The following SLC25A26 variants were observed in gnomAD, a reference collection of about 807,000 sequenced individuals.
SLC25A26 encodes the protein mitochondrial S-adenosylmethionine carrier protein.
In SLC25A26, 36 loss-of-function variants were observed where a neutral mutation model predicts 37.8. The ratio of observed to expected loss-of-function variants is 0.95; its 90% CI spans 0.73 to 1.26. The LOEUF is 1.26. Among genes scored for constraint, SLC25A26 ranks in the 50% most tolerant of loss-of-function variants. The probability of loss-of-function intolerance (pLI) is 0.00; values close to 1 mark genes in which losing one functional copy is unlikely to be tolerated. For synonymous variants in SLC25A26, 129 were observed against 122.5 expected, an observed-to-expected ratio of 1.05 and a Z score of -0.35; for missense variants, 390 against 331.1, an observed-to-expected ratio of 1.18 and a Z score of -1.38.
At chr3:66,234,200 C>T (rs933167626) in intron 1 of SLC25A26, among the ~76,000 whole-genome samples, 2 of 152,192 alleles carry the variant, frequency 1.3e-5, no homozygotes, top group Non-Finnish European at 2.9e-5. Context: ...TCAAGCGATC[C>T]TCCTGCCTCA....
intron 2 of SLC25A26, among the ~76,000 whole-genome samples, chr3:66,238,177 A>G (rs2072388044): frequency 1.3e-5 from 2 of 152,180 alleles, no homozygotes; most frequent in Non-Finnish European, 2.9e-5. Context: ...TGAAGAGCTT[A>G]AACAAATACA....
intron 5 of SLC25A26, among the ~76,000 whole-genome samples, chr3:66,301,941 A>C (rs914090066): frequency 6.6e-6 from 1 of 152,174 alleles, no homozygotes; most frequent in Admixed American, 6.6e-5. Context: ...CAACCTCATA[A>C]GGTTGTTGGG....
chr3:66,179,668 A>G (rs2070658403), intron 1 of SLC25A26, among the ~76,000 whole-genome samples: 1 of 152,072 alleles, frequency 6.6e-6, no homozygotes, highest in South Asian at 2.1e-4. Flanking sequence ...CTATAGAACT[A>G]TAACATATAC....
At chr3:66,234,600 T>A (rs1286698165) in intron 1 of SLC25A26, among the ~76,000 whole-genome samples, 1 of 152,224 alleles carries the variant, frequency 6.6e-6, no homozygotes, top group Admixed American at 6.5e-5. Context: ...TTTTAATAAT[T>A]AACCTGTGCT....
intron 1 of SLC25A26, among the ~76,000 whole-genome samples, chr3:66,136,146 G>T (rs1343655979): frequency 6.6e-6 from 1 of 152,094 alleles, no homozygotes; most frequent in Non-Finnish European, 1.5e-5. Context: ...CTCTTATTGT[G>T]GAAATAAACA....
At chr3:66,237,721 C>T (rs1423663273) in intron 2 of SLC25A26, among the ~76,000 whole-genome samples, 1 of 152,146 alleles carries the variant, frequency 6.6e-6, no homozygotes, top group Non-Finnish European at 1.5e-5. Context: ...TGTTGGATGC[C>T]TCTAGTGGCA....
intron 1 of SLC25A26, among the ~76,000 whole-genome samples, chr3:66,222,085 A>G (rs1160236559): frequency 6.6e-6 from 1 of 152,024 alleles, no homozygotes; most frequent in African/African-American, 2.4e-5. Context: ...GGAAGTAGGG[A>G]TGTCTTAGCC....
upstream of SLC25A26, among the ~76,000 whole-genome samples, chr3:66,218,629 A>C (rs1442081879): frequency 1.3e-5 from 2 of 152,218 alleles, no homozygotes; most frequent in African/African-American, 4.8e-5. Context: ...TAAACAATAG[A>C]CTATTGCTGG....
intron 5 of SLC25A26, among the ~76,000 whole-genome samples, chr3:66,335,345 CTG>C (rs2076070371): frequency 6.6e-6 from 1 of 151,998 alleles, no homozygotes; most frequent in South Asian, 2.1e-4. Flanking sequence ...GGATGTGTAT[CTG>C]TGCATATTTA....
intron 5 of SLC25A26, among the ~76,000 whole-genome samples, chr3:66,322,225 A>T (rs2075714718): frequency 6.6e-6 from 1 of 152,160 alleles, no homozygotes. Context: ...TTAAGGAAGG[A>T]ATCCTTTGTT....
At chr3:66,169,472 C>G (rs565607559) in intron 1 of SLC25A26, among the ~76,000 whole-genome samples, 1 of 152,350 alleles carries the variant, frequency 6.6e-6, no homozygotes, top group South Asian at 2.1e-4. Flanking sequence ...GCTCAGCTGA[C>G]TCTCCAGGGA....
intron 3 of SLC25A26, among the ~76,000 whole-genome samples, chr3:66,245,415 C>A (rs1220034511): frequency 2.6e-5 from 4 of 152,144 alleles, no homozygotes; most frequent in African/African-American, 9.7e-5. Flanking sequence ...ATTTTCAAAT[C>A]ACACAGCCTG....
chr3:66,309,827 C>G (rs575445675), intron 5 of SLC25A26, among the ~76,000 whole-genome samples: 1 of 151,852 alleles, frequency 6.6e-6, no homozygotes, highest in South Asian at 2.1e-4. Flanking sequence ...ATTTCTTAAT[C>G]CTGAGTTCTA....
intron 5 of SLC25A26, among the ~76,000 whole-genome samples, chr3:66,282,490 T>G (rs1385337543): frequency 6.6e-6 from 1 of 152,162 alleles, no homozygotes; most frequent in Non-Finnish European, 1.5e-5. Flanking sequence ...GCAAGGTATC[T>G]TAGTCTTACC....
chr3:66,267,928 G>T (rs2073818895), intron 5 of SLC25A26, among the ~76,000 whole-genome samples: 1 of 152,180 alleles, frequency 6.6e-6, no homozygotes, highest in South Asian at 2.1e-4. Flanking sequence ...GTCAAGGACT[G>T]CCCTCCAAAG....
intron 9 of SLC25A26, among the ~76,000 whole-genome samples, chr3:66,375,051 C>T (rs1037760467): frequency 7.2e-5 from 11 of 152,126 alleles, no homozygotes; most frequent in African/African-American, 2.2e-4. Context: ...CCAGTGAATA[C>T]ACAAATGATA....
intron 9 of SLC25A26, among the ~76,000 whole-genome samples, chr3:66,375,519 G>A (rs983624848): frequency 1.3e-5 from 2 of 151,684 alleles, no homozygotes; most frequent in African/African-American, 2.4e-5. Flanking sequence ...GTATCTTTAA[G>A]TTGAAGCCAA....
At chr3:66,153,429 T>A (rs1479442894) in intron 1 of SLC25A26, among the ~76,000 whole-genome samples, 1 of 152,216 alleles carries the variant, frequency 6.6e-6, no homozygotes, top group East Asian at 1.9e-4. Flanking sequence ...CAGGAGTGCC[T>A]GTTTAAAACG....
intron 1 of SLC25A26, among the ~76,000 whole-genome samples, chr3:66,215,616 CT>C (rs1436422709): frequency 1.3e-5 from 2 of 152,154 alleles, no homozygotes; most frequent in Non-Finnish European, 2.9e-5. Context: ...AAAGAGTCAT[CT>C]TTTTCTCTCT....
Sources: gnomAD v4.1 joint callset for allele counts (sites outside exome capture counted in the v4.1 genomes callset) on GRCh38, gnomAD v4.1.1 for gene constraint, MANE v1.5 for transcripts, NCBI Gene and HGNC (gene_info 2026-07-23, HGNC 2026-07-21) for gene names.